The following MIS18BP1 variants were observed in gnomAD, a reference collection of about 807,000 sequenced individuals.
The protein encoded by MIS18BP1 is MIS18 binding protein 1, also known as mis18-binding protein 1.
Under a neutral mutation model 116.1 loss-of-function variants are expected in MIS18BP1, and 72 were observed. The observed-to-expected ratio is 0.62, with a 90% confidence interval of 0.51 to 0.75. The LOEUF (loss-of-function observed/expected upper bound fraction) is 0.75, where lower values mean the gene tolerates loss of function less well. MIS18BP1 is among the 30% of genes least tolerant of loss of function. The pLI is 0.00. For missense variants in MIS18BP1, 1,363 were observed against 1,303.2 expected, an observed-to-expected ratio of 1.05 and a Z score of -0.71; for synonymous variants, 386 against 427.0, an observed-to-expected ratio of 0.90 and a Z score of 1.18.
chr14:45,227,908 G>A (rs1891170343), intron 8 of MIS18BP1, 94 bp from the exon 9 acceptor site: 3 of 1,272,236 alleles, frequency 2.4e-6, no homozygotes, highest in African/African-American at 1.5e-5. Flanking sequence ...TAGGTGTGGT[G>A]GCTCACGCCT....
At chr14:45,249,077 T>G (rs1891799519) in intron 1 of MIS18BP1, among the ~76,000 whole-genome samples, 2 of 151,586 alleles carry the variant, frequency 1.3e-5, no homozygotes, top group Admixed American at 1.3e-4. Context: ...CAGCTATGTT[T>G]TTTTTTTTTT....
intron 8 of MIS18BP1, among the ~76,000 whole-genome samples, chr14:45,228,355 T>C (rs1435403173): frequency 6.6e-6 from 1 of 152,236 alleles, no homozygotes; most frequent in Non-Finnish European, 1.5e-5. Context: ...ACCATCTGTT[T>C]TGGATCTCCT....
In MIS18BP1 at chr14:45,227,693, T is replaced by C. The variant is rs139478131; in HGVS notation, c.1716A>G (p.Gln572=). ...TAGATAAGTCATCTCCTCCTCCATT[T>C]TGAATAGTATTATTTACTTGGTCAT... ...FPDDQVNNTI[Q]NGGGDDLSNQ... Residue 572 remains glutamine, a synonymous_variant, in exon 9 of 17, where the codon CAA becomes CAG. Coordinates refer to ENST00000310806, the MANE Select transcript of MIS18BP1 (RefSeq NM_018353.5). 3 of 1,613,726 alleles carry C rather than the reference T, an allele frequency of 1.9e-6. No individual in the cohort carries two copies. In the African/African-American group the frequency reaches 4.0e-5, roughly 22 times the overall value.
intron 6 of MIS18BP1, among the ~76,000 whole-genome samples, 173 bp downstream of exon 6, chr14:45,235,641 A>G (rs533365580): frequency 2.6e-5 from 4 of 152,026 alleles, no homozygotes; most frequent in Non-Finnish European, 4.4e-5. Flanking sequence ...ATTGTCAATA[A>G]GAGTGATAAA....
intron 4 of MIS18BP1, among the ~76,000 whole-genome samples, chr14:45,238,601 G>A (rs1314924251): frequency 6.6e-6 from 1 of 152,092 alleles, no homozygotes; most frequent in Non-Finnish European, 1.5e-5. Flanking sequence ...AGGCCAAGTC[G>A]GGAGAACTGT....
chr14:45,226,628 TTAAA>T (rs753029658), intron 10 of MIS18BP1, 111 bp downstream of exon 10: 7 of 861,002 alleles, frequency 8.1e-6, no homozygotes, highest in Non-Finnish European at 1.1e-5. Context: ...TTTAAAAACA[TTAAA>T]TAATTTGCCA....
At chr14:45,210,133 A>C (rs909076267) in intron 14 of MIS18BP1, 4 of 298,814 alleles carry the variant, frequency 1.3e-5, no homozygotes, top group African/African-American at 8.8e-5. Context: ...AAAGTTTTTT[A>C]CAAGTAAAAC....
intron 5 of MIS18BP1, among the ~76,000 whole-genome samples, chr14:45,237,334 G>T (rs1260742998): frequency 6.6e-6 from 1 of 152,026 alleles, no homozygotes; most frequent in East Asian, 1.9e-4. Context: ...AATGCATGTA[G>T]TAAATATTAA....
At chr14:45,229,093 A>G (rs996674862) in intron 8 of MIS18BP1, among the ~76,000 whole-genome samples, 1 of 151,888 alleles carries the variant, frequency 6.6e-6, no homozygotes, top group Non-Finnish European at 1.5e-5. Context: ...CAATCATAAC[A>G]GAATATATTA....
chr14:45,209,557 C>T (rs759402386), intron 14 of MIS18BP1, among the ~76,000 whole-genome samples: 3 of 152,016 alleles, frequency 2.0e-5, no homozygotes, highest in Non-Finnish European at 2.9e-5. Context: ...GTCTTGAACT[C>T]CTGGGCTCAA....
At chr14:45,241,985 A>G (rs1340969609) in intron 4 of MIS18BP1, 49 bp downstream of exon 4, 4 of 1,525,900 alleles carry the variant, frequency 2.6e-6, no homozygotes, top group Non-Finnish European at 3.5e-6. Context: ...AAGCTCTTGA[A>G]GAACGGGGTA....
chr14:45,245,059 A>G (rs1891687367), intron 2 of MIS18BP1, among the ~76,000 whole-genome samples: 2 of 152,118 alleles, frequency 1.3e-5, no homozygotes, highest in Admixed American at 6.5e-5. Flanking sequence ...TTTCTTTGCC[A>G]GCCTCAAAAA....
intron 14 of MIS18BP1, chr14:45,206,506 T>G (rs1890521749): frequency 5.1e-6 from 1 of 194,614 alleles, no homozygotes; most frequent in Admixed American, 5.9e-5. Context: ...CAGGCTGGTT[T>G]CAAACTACTG....
Position 45,224,214 on chromosome 14 carries a change from G to C in MIS18BP1, c.2373C>G (p.Thr791=). Residue 791 remains threonine (T), a synonymous_variant, in exon 11 of 17, where the codon ACC becomes ACG. Coordinates refer to ENST00000310806, the MANE Select transcript of MIS18BP1 (RefSeq NM_018353.5). ...EIKRKAEVKK[T]KAGNTKEAVV... ...CTGCTTCTTTGGTGTTTCCTGCTTT[G>C]GTTTTCTTAACTTCAGCTTTCCTTT... 1 of 1,613,800 alleles carries C rather than the reference G, an allele frequency of 6.2e-7. No individual in the cohort carries two copies. The highest frequency in any genetic ancestry group is 8.5e-7 in the Non-Finnish European group (1 of 1,179,964).
Position 45,203,791 on chromosome 14 carries a change from T to TA in MIS18BP1, c.*317dup, listed in dbSNP as rs11398267. On this transcript the variant is annotated 3_prime_UTR_variant, in exon 17 of 17. Transcript: ENST00000310806. ...AAATGGTAGCAAAATTTTCTTGAAA[T>TA]AAAAAAAAATCTGTTTGGGAAATGG... 0.99 allele frequency: 153,464 copies of TA among 154,972 alleles called. 75,987 individuals carry two copies. The highest frequency in any genetic ancestry group is 1 in the Admixed American group (15,166 of 15,212). 9.6% of individuals were successfully genotyped at this position (154,972 alleles called of 1,614,324 possible). A position where few individuals can be genotyped will look rare whatever the true frequency, so the allele number is the denominator to read the frequency against.
chr14:45,233,783 G>A (rs1355506229), intron 6 of MIS18BP1, among the ~76,000 whole-genome samples: 1 of 152,170 alleles, frequency 6.6e-6, no homozygotes, highest in Non-Finnish European at 1.5e-5. Context: ...AAATTTAAGG[G>A]AGAAGATCAG....
Position 45,224,237 on chromosome 14 carries a change from T to C in MIS18BP1, c.2350A>G (p.Arg784Gly), listed in dbSNP as rs752296373. 1 of 1,613,932 alleles carries C rather than the reference T, an allele frequency of 6.2e-7. No homozygotes were observed. The highest frequency in any genetic ancestry group is 1.7e-5 in the Admixed American group (1 of 60,028). Reference protein sequence around the residue: ...EESETEKEIKRKAEVKKTKAG... With the variant: ...EESETEKEIKGKAEVKKTKAG... ...TTGGTTTTCTTAACTTCAGCTTTCC[T>C]TTTAATTTCCTTTTCTGTTTCACTT... is the stretch of plus-strand genomic sequence containing the variant. Residue 784 changes from arginine to glycine, a missense_variant, in exon 11 of 17, where the codon AGG (arginine) becomes GGG (glycine). Arg to Gly is a moderately radical substitution (Grantham distance 125). Coordinates refer to ENST00000310806, the MANE Select transcript of MIS18BP1 (RefSeq NM_018353.5).
intron 7 of MIS18BP1, chr14:45,232,409 T>C (rs1594517763): frequency 2.8e-5 from 6 of 216,022 alleles, no homozygotes; most frequent in Non-Finnish European, 4.0e-5. Flanking sequence ...AGAGCCAGAT[T>C]CCATCTCAAA....
At chr14:45,219,839 A>G (rs747216784) in intron 11 of MIS18BP1, among the ~76,000 whole-genome samples, 20 of 152,248 alleles carry the variant, frequency 1.3e-4, no homozygotes, top group Non-Finnish European at 2.5e-4. Flanking sequence ...ACTGTCTAAA[A>G]TAACTATTAC....
Sources: gnomAD v4.1 joint callset for allele counts (sites outside exome capture counted in the v4.1 genomes callset) on GRCh38, gnomAD v4.1.1 for gene constraint, MANE v1.5 for transcripts, NCBI Gene and HGNC (gene_info 2026-07-23, HGNC 2026-07-21) for gene names.